The following SLC49A4 variants were observed in gnomAD, a reference collection of about 807,000 sequenced individuals.
SLC49A4 encodes disrupted in renal cancer protein 2.
SLC49A4 carries 36 observed loss-of-function variants against 50.6 expected under a neutral mutation model. The ratio of observed to expected loss-of-function variants is 0.71; its 90% CI spans 0.55 to 0.94. The LOEUF is 0.94. SLC49A4 is among the 40% of genes least tolerant of loss of function. The probability of loss-of-function intolerance (pLI) is 0.00; values close to 1 mark genes in which losing one functional copy is unlikely to be tolerated. For synonymous variants in SLC49A4, 248 were observed against 241.2 expected (o/e 1.03, Z -0.26); for missense variants, 503 against 605.7 (o/e 0.83, Z 1.78).
chr3:122,829,377 A>G (rs901419689), intron 3 of SLC49A4, among the ~76,000 whole-genome samples: 1 of 152,270 alleles, frequency 6.6e-6, no homozygotes, highest in East Asian at 1.9e-4. Flanking sequence ...GACAAATCCA[A>G]CACCCTTTCA....
chr3:122,832,319 C>T (rs1936618647), intron 3 of SLC49A4, among the ~76,000 whole-genome samples: 1 of 152,150 alleles, frequency 6.6e-6, no homozygotes. Context: ...CTGGAACTTC[C>T]AAGTGCCAGA....
chr3:122,828,956 C>G (rs78199710), intron 3 of SLC49A4, among the ~76,000 whole-genome samples: 5,025 of 152,208 alleles, frequency 0.033, 120 homozygotes, highest in Middle Eastern at 0.078. Flanking sequence ...TGCAGTCAAG[C>G]AGAAGCCCCT....
chr3:122,837,836 A>G (rs2107570272), intron 4 of SLC49A4, among the ~76,000 whole-genome samples: 1 of 152,314 alleles, frequency 6.6e-6, no homozygotes, highest in Admixed American at 6.5e-5. Context: ...AATATCCAGA[A>G]TCTACAATGA....
rs114795174 is a variant in SLC49A4, at chr3:122,828,327, C to G, written c.703+1262C>G. Among the ~76,000 whole-genome samples the G allele has an allele frequency of 1.3e-3, 191 of 152,266 alleles. 2 individuals are homozygous for G. The highest frequency in any genetic ancestry group is 4.3e-3 in the African/African-American group (179 of 41,556). ...TTGCTCTGAGAGCTCGGAGAAGGAG[C>G]ACCTAACCCAGATTTTGGAGGTAAA... On this transcript the variant is annotated intron_variant, in intron 3 of 8. Transcript: ENST00000261038.
Position 122,795,368 on chromosome 3 carries a change from C to T in SLC49A4, c.176C>T (p.Ser59Leu), listed in dbSNP as rs999007186. Residue 59 changes from serine (S) to leucine (L), a missense_variant, in exon 1 of 9, where the codon TCG becomes TTG. Ser to Leu is a moderately radical substitution (Grantham distance 145). Coordinates refer to ENST00000261038, the MANE Select transcript of SLC49A4 (RefSeq NM_032839.3). ...CGCTGGCTGGTGCTGCTGCTCTTCT[C>T]GCTGCTGGCGTTCGTTCAGGGCCTG... ...GRRWLVLLLF[S>L]LLAFVQGLVW... 6.3e-7 allele frequency: 1 copy of T among 1,595,410 alleles called. No individual in the cohort carries two copies. Among genetic ancestry groups the T allele is most frequent in the South Asian group, 1.1e-5 (1 of 89,380 alleles).
rs533484300 is a variant in SLC49A4, at chr3:122,819,199, G to A, written c.438-7601G>A. Among the ~76,000 whole-genome samples, 6 of 144,900 alleles carry A rather than the reference G, an allele frequency of 4.1e-5. No individual in the cohort carries two copies. In the East Asian group the frequency reaches 8.1e-4, roughly 19 times the overall value. ...GTCGAGGCTGCAGTGAGCTGCCTTC[G>A]TGCCACTGCATTCCAGCCTGGGAGA... On this transcript the variant is annotated intron_variant, in intron 2 of 8. Transcript: ENST00000261038.
chr3:122,805,406 T>C (rs1936203187), intron 1 of SLC49A4, among the ~76,000 whole-genome samples: 1 of 152,230 alleles, frequency 6.6e-6, no homozygotes, highest in South Asian at 2.1e-4. Context: ...CTATGTTTGA[T>C]CTGCATAATT....
chr3:122,797,039 T>A (rs1021543097), intron 1 of SLC49A4, among the ~76,000 whole-genome samples: 1 of 152,204 alleles, frequency 6.6e-6, no homozygotes, highest in African/African-American at 2.4e-5. Context: ...CAGGGTGATG[T>A]TAGTAGTTAT....
In SLC49A4 at chr3:122,860,213, G is replaced by A. The variant is rs41271429; in HGVS notation, c.1138+11G>A. ...TACCTTTAACCACAGGTGAGCATAG[G>A]CTATTTTTGAACTTTTAATAAATAT... On this transcript the variant is annotated intron_variant, in intron 7 of 8. Coordinates refer to ENST00000261038, the MANE Select transcript of SLC49A4 (RefSeq NM_032839.3). The A allele has an allele frequency of 5.1e-4, 797 of 1,569,778 alleles. 1 individual carries two copies. The highest frequency in any genetic ancestry group is 6.6e-4 in the Non-Finnish European group (766 of 1,161,498).
chr3:122,860,114 TCTC>T lies in SLC49A4; in HGVS notation c.1056_1058del (p.Leu353del), dbSNP rs769857659. 18 of 1,613,060 alleles carry T rather than the reference TCTC, an allele frequency of 1.1e-5. No individual in the cohort carries two copies. Among genetic ancestry groups the T allele is most frequent in the East Asian group, 2.2e-5 (1 of 44,798 alleles). ...TCAGGGGTATGCTGAAACTAATTCT[TCTC>T]CTCCTGTTTTCGGGAGCTACACTGT... On this transcript the variant is annotated inframe_deletion, in exon 7 of 9. Coordinates refer to ENST00000261038, the MANE Select transcript of SLC49A4 (RefSeq NM_032839.3).
chr3:122,869,536 G>A (rs1032254826), intron 7 of SLC49A4, among the ~76,000 whole-genome samples: 1 of 152,152 alleles, frequency 6.6e-6, no homozygotes, highest in Admixed American at 6.5e-5. Context: ...TTGGATAAGT[G>A]TTCTTTGTAT....
At chr3:122,809,555 A>C (rs1286206658) in intron 2 of SLC49A4, among the ~76,000 whole-genome samples, 1 of 151,754 alleles carries the variant, frequency 6.6e-6, no homozygotes, top group African/African-American at 2.4e-5. Context: ...ACCCCATCTC[A>C]AAAAAAATAC....
At chr3:122,824,227 C>T (rs1936493051) in intron 2 of SLC49A4, among the ~76,000 whole-genome samples, 1 of 152,238 alleles carries the variant, frequency 6.6e-6, no homozygotes, top group Non-Finnish European at 1.5e-5. Context: ...GTTTTTAACT[C>T]TAACTTATAT....
chr3:122,855,570 A>G (rs768234734), intron 5 of SLC49A4, among the ~76,000 whole-genome samples: 4 of 152,202 alleles, frequency 2.6e-5, no homozygotes, highest in Non-Finnish European at 5.9e-5. Context: ...TACAGGAGTG[A>G]TGAGGAATGT....
intron 1 of SLC49A4, among the ~76,000 whole-genome samples, chr3:122,798,108 G>A (rs1289593788): frequency 1.3e-5 from 2 of 152,084 alleles, no homozygotes; most frequent in Non-Finnish European, 2.9e-5. Context: ...TCCAGGATTC[G>A]GTCTAGGGTC....
chr3:122,843,449 T>A (rs1463383960), intron 4 of SLC49A4, among the ~76,000 whole-genome samples: 1 of 152,204 alleles, frequency 6.6e-6, no homozygotes, highest in Non-Finnish European at 1.5e-5. Flanking sequence ...AAAAATAGAC[T>A]CTTTTTAACA....
At chr3:122,832,324 G>A (rs1249139059) in intron 3 of SLC49A4, among the ~76,000 whole-genome samples, 1 of 152,174 alleles carries the variant, frequency 6.6e-6, no homozygotes, top group Non-Finnish European at 1.5e-5. Flanking sequence ...ACTTCCAAGT[G>A]CCAGAATTAT....
intron 2 of SLC49A4, among the ~76,000 whole-genome samples, chr3:122,809,464 G>A (rs1032848577): frequency 3.3e-5 from 5 of 152,122 alleles, no homozygotes; most frequent in Admixed American, 6.5e-5. Context: ...GCCCACACCT[G>A]TAATCCCAGC....
chr3:122,795,641 T>A lies in SLC49A4; in HGVS notation c.343+106T>A, dbSNP rs1276466288. The A allele has an allele frequency of 8.2e-6, 12 of 1,469,824 alleles. No individual in the cohort carries two copies. The Admixed American group carries it at 3.5e-4, about 43-fold the overall frequency. The allele number at this position is 1,469,824 out of a possible 1,614,324, so 91.0% of individuals were successfully genotyped here. A position where few individuals can be genotyped will look rare whatever the true frequency, so the allele number is the denominator to read the frequency against. ...CCTCCCTTGGCCCCGGCATAGGGGT[T>A]GTGTGAGGTGATAGAGTGTTGCTAG... On this transcript the variant is annotated intron_variant, in intron 1 of 8. Transcript: ENST00000261038.
Sources: gnomAD v4.1 joint callset for allele counts (sites outside exome capture counted in the v4.1 genomes callset) on GRCh38, gnomAD v4.1.1 for gene constraint, MANE v1.5 for transcripts, NCBI Gene and HGNC (gene_info 2026-07-23, HGNC 2026-07-21) for gene names.